ARFGAP3: variants seen among roughly 807,000 people sequenced by gnomAD.
The protein encoded by ARFGAP3 is ADP-ribosylation factor GTPase-activating protein 3.
In ARFGAP3, 72 loss-of-function variants were observed where a neutral mutation model predicts 75.0. That is an observed-to-expected ratio of 0.96 (90% CI 0.79 to 1.17). The LOEUF is 1.17. Ranked by LOEUF, ARFGAP3 falls within the 50% of genes most tolerant of loss-of-function variation. The probability of loss-of-function intolerance (pLI) is 0.00; values close to 1 mark genes in which losing one functional copy is unlikely to be tolerated. For missense variants in ARFGAP3, 620 were observed against 626.6 expected (o/e 0.99, Z 0.11); for synonymous variants, 221 against 217.9 (o/e 1.01, Z -0.13).
intron 5 of ARFGAP3, among the ~76,000 whole-genome samples, chr22:42,833,095 A>T (rs1392778457): frequency 6.6e-6 from 1 of 152,166 alleles, no homozygotes; most frequent in Non-Finnish European, 1.5e-5. Flanking sequence ...AGGAGAGGCC[A>T]CAGAAGTACT....
Position 42,796,730 on chromosome 22 carries a change from G to A in ARFGAP3, c.*858C>T, listed in dbSNP as rs1474309634. On this transcript the variant is annotated 3_prime_UTR_variant, in exon 16 of 16. Coordinates refer to ENST00000263245, the MANE Select transcript of ARFGAP3 (RefSeq NM_014570.5). ...TGTTTATACACATTCGGTAATTTCT[G>A]AAAAGCAAGATTTAAAAATATTTAT... 6.6e-6 allele frequency: 1 copy of A among 152,150 alleles called. No homozygotes were observed. Among genetic ancestry groups the A allele is most frequent in the African/African-American group, 2.4e-5 (1 of 41,422 alleles). The allele number at this position is 152,150 out of a possible 1,614,324, so 9.4% of individuals were successfully genotyped here.
rs539103451 is a variant in ARFGAP3 at position 42,847,424 on chromosome 22, A to G, written c.188+90T>C. On this transcript the variant is annotated intron_variant, in intron 2 of 15. Coordinates refer to ENST00000263245, the MANE Select transcript of ARFGAP3 (RefSeq NM_014570.5). ...AAGGTGACAGGCGACAAGGCAAGACACTGTCTCAAAAAAAGAAAAGAAAAA... is the reference window on the plus strand; with the variant it reads ...AAGGTGACAGGCGACAAGGCAAGACGCTGTCTCAAAAAAAGAAAAGAAAAA... 1.7e-5 allele frequency: 20 copies of G among 1,154,474 alleles called. No homozygotes were observed. The Admixed American group carries it at 2.4e-4, about 14-fold the overall frequency. The allele number at this position is 1,154,474 out of a possible 1,614,324, so 71.5% of individuals were successfully genotyped here.
chr22:42,842,697 T>A (rs1233721736), intron 2 of ARFGAP3, among the ~76,000 whole-genome samples: 1 of 152,012 alleles, frequency 6.6e-6, no homozygotes, highest in Non-Finnish European at 1.5e-5. Flanking sequence ...AATCCCCTCA[T>A]CTCAGCCTCC....
chr22:42,825,189 G>C (rs1009527280), intron 7 of ARFGAP3, among the ~76,000 whole-genome samples: 2 of 151,668 alleles, frequency 1.3e-5, no homozygotes, highest in African/African-American at 2.4e-5. Context: ...TCTTGGGCCA[G>C]GCTGCAGTGA....
chr22:42,845,322 C>T (rs1390382196), intron 2 of ARFGAP3, among the ~76,000 whole-genome samples: 1 of 150,382 alleles, frequency 6.6e-6, no homozygotes, highest in Non-Finnish European at 1.5e-5. Context: ...GTCAGGAGTT[C>T]AAGACCAACC....
intron 11 of ARFGAP3, among the ~76,000 whole-genome samples, chr22:42,815,626 T>C (rs1004368289): frequency 2.0e-5 from 3 of 152,148 alleles, no homozygotes; most frequent in East Asian, 3.8e-4. Flanking sequence ...CACACACACA[T>C]ATATATCTTT....
At chr22:42,820,627 C>G (rs1925770833) in intron 9 of ARFGAP3, among the ~76,000 whole-genome samples, 1 of 152,132 alleles carries the variant, frequency 6.6e-6, no homozygotes, top group African/African-American at 2.4e-5. Flanking sequence ...TATAGTAACT[C>G]AAGCTAAAAC....
At position 42,835,488 on chromosome 22, in the gene ARFGAP3, G is replaced by C. The variant is rs1335324717; in HGVS notation, c.267C>G (p.Ser89=). 1.2e-6 allele frequency: 2 copies of C among 1,613,724 alleles called. No homozygotes were observed. The highest frequency in any genetic ancestry group is 3.3e-5 in the Admixed American group (2 of 59,984). ...MQVGGNASAS[S]FFHQHGCSTN... ...TGGAACACCCATGTTGATGAAAAAAGGAAGACTACAGAGAAAAGCATGCAC... is the reference window on the plus strand; with the variant it reads ...TGGAACACCCATGTTGATGAAAAAACGAAGACTACAGAGAAAAGCATGCAC... The change falls in exon 4 of 16, where the codon TCC becomes TCG. Residue 89 remains serine (S), a synonymous_variant. Transcript: ENST00000263245.
chr22:42,828,872 A>G (rs983362699), intron 6 of ARFGAP3, among the ~76,000 whole-genome samples: 1 of 151,752 alleles, frequency 6.6e-6, no homozygotes, highest in African/African-American at 2.4e-5. Context: ...TTTAGTAGAG[A>G]TAGGGTCCTG....
intron 11 of ARFGAP3, among the ~76,000 whole-genome samples, chr22:42,814,425 A>C (rs1302704336): frequency 6.6e-6 from 1 of 152,230 alleles, no homozygotes; most frequent in Non-Finnish European, 1.5e-5. Flanking sequence ...AGGTCGTGAT[A>C]AACAATACAC....
At chr22:42,856,492 T>A (rs1336575185) in intron 1 of ARFGAP3, among the ~76,000 whole-genome samples, 4 of 150,914 alleles carry the variant, frequency 2.7e-5, no homozygotes, top group Non-Finnish European at 5.9e-5. Context: ...GAGAACAGCC[T>A]CTGGAGACAA....
In ARFGAP3 at chr22:42,831,901, G is replaced by C. The variant is rs370587552; in HGVS notation, c.478-265C>G. 1.1e-4 allele frequency among the ~76,000 whole-genome samples: 16 copies of C among 152,188 alleles called. No individual in the cohort carries two copies. In the East Asian group the frequency reaches 1.9e-3, roughly 18 times the overall value. Reference sequence around the variant, plus strand: ...AGGCTCAAGCAGTGCTTCCACCTCAGCCTCCTGAGTAGCTGAGATTGCAGG... The same window carrying C: ...AGGCTCAAGCAGTGCTTCCACCTCACCCTCCTGAGTAGCTGAGATTGCAGG... On this transcript the variant is annotated intron_variant, in intron 5 of 15. Transcript: ENST00000263245.
chr22:42,838,302 T>A (rs12160333), intron 3 of ARFGAP3, among the ~76,000 whole-genome samples: 2 of 141,454 alleles, frequency 1.4e-5, no homozygotes, highest in African/African-American at 5.3e-5. Flanking sequence ...TTTTTTTTTC[T>A]TTTTTTTTTT....
chr22:42,814,260 A>C (rs1247425412), intron 11 of ARFGAP3, among the ~76,000 whole-genome samples: 1 of 152,264 alleles, frequency 6.6e-6, no homozygotes, highest in Non-Finnish European at 1.5e-5. Flanking sequence ...GAAAGCAATA[A>C]GAGCTCTTCA....
chr22:42,800,096 A>AGG (rs1491036353), intron 14 of ARFGAP3, among the ~76,000 whole-genome samples: 1 of 152,206 alleles, frequency 6.6e-6, no homozygotes, highest in Non-Finnish European at 1.5e-5. Flanking sequence ...GCTGACAATC[A>AGG]GGGGTTCATA....
At chr22:42,822,509 C>T (rs1337764868) in intron 8 of ARFGAP3, 100 bp from the exon 9 acceptor site, 2 of 1,407,952 alleles carry the variant, frequency 1.4e-6, no homozygotes. Context: ...GGCACTGTGA[C>T]AAGCACTCTA....
At chr22:42,826,157 G>A (rs961675627) in intron 7 of ARFGAP3, among the ~76,000 whole-genome samples, 4 of 152,092 alleles carry the variant, frequency 2.6e-5, no homozygotes, top group Admixed American at 2.6e-4. Flanking sequence ...TCCAACTAAT[G>A]CAATGGAATA....
intron 2 of ARFGAP3, among the ~76,000 whole-genome samples, chr22:42,844,342 T>C (rs568651237): frequency 7.2e-5 from 11 of 152,168 alleles, no homozygotes; most frequent in African/African-American, 2.6e-4. Flanking sequence ...CCCAGCACTT[T>C]GGGAAGCTGA....
intron 3 of ARFGAP3, among the ~76,000 whole-genome samples, chr22:42,838,263 T>C (rs1926617074): frequency 7.2e-6 from 1 of 138,776 alleles, no homozygotes; most frequent in Non-Finnish European, 1.5e-5. Flanking sequence ...TTGATATATA[T>C]ATACACACAC....
Sources: gnomAD v4.1 joint callset for allele counts (sites outside exome capture counted in the v4.1 genomes callset) on GRCh38, gnomAD v4.1.1 for gene constraint, MANE v1.5 for transcripts, NCBI Gene and HGNC (gene_info 2026-07-23, HGNC 2026-07-21) for gene names.